ZNF385D: variants seen among roughly 807,000 people sequenced by gnomAD.
ZNF385D encodes the protein zinc finger protein 385D.
In ZNF385D, 15 loss-of-function variants were observed where a neutral mutation model predicts 35.8. That is an observed-to-expected ratio of 0.42 (90% confidence interval 0.28 to 0.64). The LOEUF is 0.64. Ranked by LOEUF, ZNF385D falls within the 30% of genes least tolerant of loss-of-function variation. ZNF385D has a pLI of 0.23. For synonymous variants in ZNF385D, 212 were observed against 186.8 expected (o/e 1.13, Z -1.10); for missense variants, 474 against 494.6 (o/e 0.96, Z 0.39).
At chr3:22,239,767 T>C (rs2125311803) in intron 2 of ZNF385D, among the ~76,000 whole-genome samples, 1 of 151,126 alleles carries the variant, frequency 6.6e-6, no homozygotes, top group Non-Finnish European at 1.5e-5. Flanking sequence ...TAGGGACTGT[T>C]CTCCAGAGAG....
intron 2 of ZNF385D, among the ~76,000 whole-genome samples, chr3:21,644,899 A>G (rs2065707498): frequency 6.6e-6 from 1 of 152,204 alleles, no homozygotes; most frequent in African/African-American, 2.4e-5. Flanking sequence ...CCTAGATGAA[A>G]TGCCCAGCAC....
At chr3:22,031,301 C>G (rs1697984745) in intron 3 of ZNF385D, among the ~76,000 whole-genome samples, 1 of 152,216 alleles carries the variant, frequency 6.6e-6, no homozygotes, top group Non-Finnish European at 1.5e-5. Flanking sequence ...GCATATTGCC[C>G]TAGTAGAGGT....
rs76659740 is a variant in ZNF385D at position 21,937,013 on chromosome 3, T to C, written c.325+231804A>G. Among the ~76,000 whole-genome samples the C allele has an allele frequency of 6.7e-3, 1,015 of 152,266 alleles. 13 individuals carry two copies. Among genetic ancestry groups the C allele is most frequent in the African/African-American group, 0.022 (907 of 41,554 alleles). ...GGATATAAAAGGTTGTAATGTAACATTGTAATAAGCAGAGAAAGAAGCACT... is the reference window on the plus strand; with the variant it reads ...GGATATAAAAGGTTGTAATGTAACACTGTAATAAGCAGAGAAAGAAGCACT... On this transcript the variant is annotated intron_variant, in intron 3 of 5. Coordinates refer to the ZNF385D transcript ENST00000494108.
intron 3 of ZNF385D, among the ~76,000 whole-genome samples, chr3:21,941,840 T>G (rs9859150): frequency 0.53 from 80,540 of 151,864 alleles, 22,247 homozygotes; most frequent in South Asian, 0.65. Context: ...TACAATTAAT[T>G]TGAGGCAACT....
rs1700532302 is a variant in ZNF385D at position 21,414,274 on chromosome 3, T to TA, written c.*6939dup. The TA allele has an allele frequency of 6.6e-6, 1 of 152,014 alleles. No individual in the cohort carries two copies. Among genetic ancestry groups the TA allele is most frequent in the Non-Finnish European group, 1.5e-5 (1 of 67,954 alleles). The allele number at this position is 152,014 out of a possible 1,614,324, so 9.4% of individuals were successfully genotyped here. A position where few individuals can be genotyped will look rare whatever the true frequency, so the allele number is the denominator to read the frequency against. ...GAAACTGACATAAGATTTTTGCTGA[T>TA]AAAATAAATGAAAGAAACTATGACT... On this transcript the variant is annotated 3_prime_UTR_variant, in exon 8 of 8. Coordinates refer to ENST00000281523, the MANE Select transcript of ZNF385D (RefSeq NM_024697.3).
chr3:22,131,714 A>G (rs147476513), intron 3 of ZNF385D, among the ~76,000 whole-genome samples: 212 of 152,276 alleles, frequency 1.4e-3, no homozygotes, highest in African/African-American at 4.8e-3. Context: ...AGCTAGGGAG[A>G]TATCACAGAG....
chr3:21,896,193 A>C (rs906665190), intron 3 of ZNF385D, among the ~76,000 whole-genome samples: 8 of 152,154 alleles, frequency 5.3e-5, no homozygotes, highest in African/African-American at 1.4e-4. Flanking sequence ...AGAAAAAAAG[A>C]AGCTTGGGAT....
chr3:21,549,444 T>C (rs1393688098), intron 3 of ZNF385D, among the ~76,000 whole-genome samples: 1 of 152,150 alleles, frequency 6.6e-6, no homozygotes, highest in Non-Finnish European at 1.5e-5. Context: ...CCTCACAGAG[T>C]TGGGGGTTCC....
At chr3:21,982,093 T>C (rs1694490773) in intron 3 of ZNF385D, among the ~76,000 whole-genome samples, 2 of 151,596 alleles carry the variant, frequency 1.3e-5, no homozygotes, top group Admixed American at 1.3e-4. Flanking sequence ...TTTTTTTTTT[T>C]TTTTAATTCT....
chr3:21,852,725 G>A (rs1047285130), intron 3 of ZNF385D, among the ~76,000 whole-genome samples: 3 of 151,860 alleles, frequency 2.0e-5, no homozygotes, highest in Non-Finnish European at 4.4e-5. Flanking sequence ...AAGATGAAAA[G>A]TTATGAATTG....
At chr3:21,425,256 TGA>T (rs1182398484) in intron 6 of ZNF385D, among the ~76,000 whole-genome samples, 1 of 152,230 alleles carries the variant, frequency 6.6e-6, no homozygotes, top group Non-Finnish European at 1.5e-5. Flanking sequence ...CAACAATTTC[TGA>T]AAGATTCTAG....
chr3:21,583,117 A>AAAAC (rs1399343076), intron 2 of ZNF385D, among the ~76,000 whole-genome samples: 2 of 152,260 alleles, frequency 1.3e-5, no homozygotes, highest in East Asian at 3.9e-4. Flanking sequence ...AATTTTTCGA[A>AAAAC]AAACACAAAA....
At chr3:21,830,911 G>T (rs913781608) in intron 3 of ZNF385D, among the ~76,000 whole-genome samples, 1 of 152,080 alleles carries the variant, frequency 6.6e-6, no homozygotes. Context: ...TTCACTGAAG[G>T]GTGTCATACC....
chr3:21,769,464 C>A (rs561452872), intron 3 of ZNF385D, among the ~76,000 whole-genome samples: 139 of 128,202 alleles, frequency 1.1e-3, no homozygotes, highest in Non-Finnish European at 1.8e-3. Flanking sequence ...AGAGCCAAAT[C>A]ATGAGTGAAC....
At chr3:21,793,102 C>G (rs530336848) in intron 3 of ZNF385D, among the ~76,000 whole-genome samples, 20 of 152,232 alleles carry the variant, frequency 1.3e-4, no homozygotes, top group African/African-American at 4.6e-4. Flanking sequence ...AATCTTACTA[C>G]AAAAGTTAGC....
At chr3:21,643,050 C>T (rs113015372) in intron 2 of ZNF385D, among the ~76,000 whole-genome samples, 48 of 152,000 alleles carry the variant, frequency 3.2e-4, no homozygotes, top group African/African-American at 1.0e-3. Context: ...TAAAATGGTA[C>T]ATTTAAAAAT....
intron 2 of ZNF385D, among the ~76,000 whole-genome samples, chr3:21,608,680 G>T (rs2064571998): frequency 6.6e-6 from 1 of 152,166 alleles, no homozygotes; most frequent in Non-Finnish European, 1.5e-5. Flanking sequence ...TTTTAACTCT[G>T]ATCATCTGCA....
At chr3:22,114,198 T>C (rs979036061) in intron 3 of ZNF385D, among the ~76,000 whole-genome samples, 2 of 152,232 alleles carry the variant, frequency 1.3e-5, no homozygotes, top group South Asian at 2.1e-4. Flanking sequence ...TTATTGTTTG[T>C]ATGCTTACTT....
At chr3:21,502,106 G>A (rs1462920598) in intron 4 of ZNF385D, among the ~76,000 whole-genome samples, 1 of 152,078 alleles carries the variant, frequency 6.6e-6, no homozygotes, top group Non-Finnish European at 1.5e-5. Context: ...GCAAATGCAG[G>A]GGTGGGGGTG....
Sources: gnomAD v4.1 joint callset for allele counts (sites outside exome capture counted in the v4.1 genomes callset) on GRCh38, gnomAD v4.1.1 for gene constraint, MANE v1.5 for transcripts, NCBI Gene and HGNC (gene_info 2026-07-23, HGNC 2026-07-21) for gene names.